CADM1: variants seen among roughly 807,000 people sequenced by gnomAD.
The protein encoded by CADM1 is TSLC-1.
A neutral mutation model predicts 53.1 loss-of-function variants in CADM1; 15 were observed. The ratio of observed to expected loss-of-function variants is 0.28; its 90% CI spans 0.19 to 0.44. The LOEUF (loss-of-function observed/expected upper bound fraction) is 0.44. Among genes scored for constraint, CADM1 ranks in the 20% least tolerant of loss-of-function variants. CADM1 has a pLI of 1.00. For synonymous variants in CADM1, 281 were observed against 243.0 expected, an observed-to-expected ratio of 1.16 and a Z score of -1.45; for missense variants, 434 against 611.3, an observed-to-expected ratio of 0.71 and a Z score of 3.06.
At chr11:115,404,342 AAAAAATATATATATATATATATAT>A (rs1349536813) in intron 1 of CADM1, among the ~76,000 whole-genome samples, 2 of 41,530 alleles carry the variant, frequency 4.8e-5, no homozygotes, top group African/African-American at 1.6e-4. Flanking sequence ...AAAAAAAAAA[AAAAAATATATATATATATATATAT>A]ATATATATAT....
At chr11:115,285,732 C>T (rs1725027940) in intron 1 of CADM1, among the ~76,000 whole-genome samples, 1 of 152,136 alleles carries the variant, frequency 6.6e-6, no homozygotes, top group South Asian at 2.1e-4. Context: ...TAAGAGCACA[C>T]AGGCAGCTGG....
intron 1 of CADM1, among the ~76,000 whole-genome samples, chr11:115,250,952 G>A (rs72994083): frequency 0.027 from 4,158 of 152,270 alleles, 74 homozygotes; most frequent in Non-Finnish European, 0.041. Flanking sequence ...GATGCTAAAA[G>A]AATGAAGGAG....
chr11:115,329,340 A>G (rs889923356), intron 1 of CADM1, among the ~76,000 whole-genome samples: 2 of 152,070 alleles, frequency 1.3e-5, no homozygotes, highest in African/African-American at 4.8e-5. Context: ...AATCTCCATC[A>G]GTTTTAGGTT....
chr11:115,460,881 G>T (rs192931805), intron 1 of CADM1, among the ~76,000 whole-genome samples: 1 of 151,920 alleles, frequency 6.6e-6, no homozygotes, highest in Admixed American at 6.5e-5. Context: ...CCACAGCCTT[G>T]TTCCTTTCAA....
chr11:115,340,920 C>T (rs1431550895), intron 1 of CADM1, among the ~76,000 whole-genome samples: 1 of 151,380 alleles, frequency 6.6e-6, no homozygotes, highest in African/African-American at 2.4e-5. Flanking sequence ...TCCCAAAGTG[C>T]TGGGATTACA....
chr11:115,325,462 G>T (rs755970871), intron 1 of CADM1, among the ~76,000 whole-genome samples: 7 of 152,174 alleles, frequency 4.6e-5, no homozygotes, highest in Non-Finnish European at 8.8e-5. Context: ...AAGCAACCAA[G>T]AATTAGATCT....
intron 1 of CADM1, among the ~76,000 whole-genome samples, chr11:115,403,242 A>G (rs992700678): frequency 6.6e-6 from 1 of 152,030 alleles, no homozygotes; most frequent in Non-Finnish European, 1.5e-5. Context: ...ATTCTTCAAA[A>G]TATCTGGCCA....
intron 1 of CADM1, among the ~76,000 whole-genome samples, chr11:115,378,535 C>T (rs932482543): frequency 6.6e-6 from 1 of 151,958 alleles, no homozygotes; most frequent in African/African-American, 2.4e-5. Context: ...AATAAGAAAA[C>T]TAAAATACAG....
intron 1 of CADM1, among the ~76,000 whole-genome samples, chr11:115,367,695 A>C (rs1261026972): frequency 6.6e-6 from 1 of 152,086 alleles, no homozygotes; most frequent in Non-Finnish European, 1.5e-5. Context: ...GAAATTATTC[A>C]GTAGTCTTCT....
chr11:115,294,418 C>T (rs1943992225), intron 1 of CADM1, among the ~76,000 whole-genome samples: 1 of 152,158 alleles, frequency 6.6e-6, no homozygotes, highest in Non-Finnish European at 1.5e-5. Flanking sequence ...TCTTCTTAAA[C>T]ATTACACTCA....
chr11:115,402,405 C>T (rs1947182001), intron 1 of CADM1, among the ~76,000 whole-genome samples: 1 of 152,106 alleles, frequency 6.6e-6, no homozygotes, highest in South Asian at 2.1e-4. Flanking sequence ...TGCCTGTAGT[C>T]GCAGCTACTC....
chr11:115,280,004 T>G (rs1943545777), intron 1 of CADM1, among the ~76,000 whole-genome samples: 1 of 152,210 alleles, frequency 6.6e-6, no homozygotes, highest in Admixed American at 6.5e-5. Flanking sequence ...GACAGCAGAC[T>G]TGGCCGCAAT....
chr11:115,406,705 C>T (rs1435921780), intron 1 of CADM1, among the ~76,000 whole-genome samples: 2 of 150,900 alleles, frequency 1.3e-5, no homozygotes, highest in Non-Finnish European at 3.0e-5. Flanking sequence ...CCAGCACTTT[C>T]GGAGGCCGAG....
chr11:115,400,511 T>A (rs1294889537), intron 1 of CADM1, among the ~76,000 whole-genome samples: 1 of 147,820 alleles, frequency 6.8e-6, no homozygotes, highest in Non-Finnish European at 1.5e-5. Flanking sequence ...ATACTTCACA[T>A]TATATATCAG....
At chr11:115,468,865 T>C (rs1217636278) in intron 1 of CADM1, among the ~76,000 whole-genome samples, 1 of 152,130 alleles carries the variant, frequency 6.6e-6, no homozygotes, top group Non-Finnish European at 1.5e-5. Context: ...GGCCTCACAA[T>C]CATGGCAGAA....
At chr11:115,377,231 T>C (rs1946461732) in intron 1 of CADM1, 2 of 152,130 alleles carry the variant, frequency 1.3e-5, no homozygotes, top group Non-Finnish European at 1.5e-5. Flanking sequence ...ACCTACAACA[T>C]TGGCAAGGGT....
At chr11:115,334,493 T>A (rs897374676) in intron 1 of CADM1, among the ~76,000 whole-genome samples, 1 of 152,100 alleles carries the variant, frequency 6.6e-6, no homozygotes, top group African/African-American at 2.4e-5. Context: ...CATCAGGTGA[T>A]GGAGAGACCA....
intron 9 of CADM1, among the ~76,000 whole-genome samples, chr11:115,191,838 T>C (rs534866303): frequency 2.0e-5 from 3 of 152,354 alleles, no homozygotes; most frequent in South Asian, 2.1e-4. Flanking sequence ...CCAGTGTGAC[T>C]AACTGCTTAG....
intron 2 of CADM1, among the ~76,000 whole-genome samples, 198 bp from the exon 3 acceptor site, chr11:115,238,850 G>A (rs1049440477): frequency 7.9e-5 from 12 of 151,862 alleles, no homozygotes; most frequent in African/African-American, 2.9e-4. Context: ...GTGTGTGTAT[G>A]TGTGCGTGTG....
Sources: allele counts gnomAD v4.1 joint callset (sites outside exome capture counted in the v4.1 genomes callset), GRCh38; gene constraint gnomAD v4.1.1; transcripts MANE v1.5; gene names NCBI Gene and HGNC (gene_info 2026-07-23, HGNC 2026-07-21).